Variants in CNTNAP5 observed in about 807,000 individuals in gnomAD.
CNTNAP5 encodes the protein contactin-associated protein-like 5.
A neutral mutation model predicts 150.2 loss-of-function variants in CNTNAP5; 72 were observed. The observed-to-expected ratio is 0.48, with a 90% CI of 0.40 to 0.58. The LOEUF (loss-of-function observed/expected upper bound fraction) is 0.58. Ranked by LOEUF, CNTNAP5 falls within the 20% of genes least tolerant of loss-of-function variation. The pLI, the probability that CNTNAP5 is intolerant of heterozygous loss-of-function variation, is 0.00. For synonymous variants in CNTNAP5, 672 were observed against 619.8 expected (o/e 1.08, Z -1.25); for missense variants, 1,636 against 1,626.2 (o/e 1.01, Z -0.10).
At chr2:124,513,740 T>C (rs1694645348) in intron 8 of CNTNAP5, among the ~76,000 whole-genome samples, 1 of 151,628 alleles carries the variant, frequency 6.6e-6, no homozygotes, top group South Asian at 2.1e-4. Context: ...CAGGGGGGAG[T>C]ACTAATTAGG....
chr2:124,903,083 C>T lies in CNTNAP5; in HGVS notation c.3638C>T (p.Thr1213Met), dbSNP rs759689131. Residue 1213 changes from threonine to methionine, a missense_variant, in exon 22 of 24, where the codon ACG (threonine) becomes ATG (methionine). Thr to Met is a moderately conservative substitution (Grantham distance 81). Coordinates refer to ENST00000682447, the MANE Select transcript of CNTNAP5 (RefSeq NM_001367498.1). ...GACTCAGATGTGAATGCAGTGACCA[C>T]GGTGCATTCTTCATCAGGTACACTC... ...MVDSDVNAVT[T>M]VHSSSDPFGK... 37 of 1,578,382 alleles carry T rather than the reference C, an allele frequency of 2.3e-5. No individual in the cohort carries two copies. The highest frequency in any genetic ancestry group is 2.0e-4 in the South Asian group (17 of 86,636).
intron 13 of CNTNAP5, among the ~76,000 whole-genome samples, chr2:124,668,682 A>G (rs1178337998): frequency 6.6e-6 from 1 of 152,236 alleles, no homozygotes; most frequent in African/African-American, 2.4e-5. Context: ...GTGTTATAAA[A>G]AGGTATACCA....
intron 19 of CNTNAP5, among the ~76,000 whole-genome samples, chr2:124,842,879 G>A (rs1682972275): frequency 6.6e-6 from 1 of 152,000 alleles, no homozygotes; most frequent in East Asian, 1.9e-4. Flanking sequence ...TTCTCAAAAA[G>A]CTGAGAATAT....
intron 13 of CNTNAP5, among the ~76,000 whole-genome samples, chr2:124,683,295 C>T (rs1284891619): frequency 2.0e-5 from 3 of 152,038 alleles, no homozygotes; most frequent in South Asian, 2.1e-4. Context: ...AATTTCATGA[C>T]TTATTTGGCA....
intron 13 of CNTNAP5, among the ~76,000 whole-genome samples, chr2:124,734,113 G>A (rs1350459714): frequency 6.6e-6 from 1 of 152,028 alleles, no homozygotes; most frequent in African/African-American, 2.4e-5. Context: ...AGACTTTTTA[G>A]GCATTTGTGT....
chr2:124,854,291 A>T (rs547653319), intron 19 of CNTNAP5, among the ~76,000 whole-genome samples: 1 of 152,322 alleles, frequency 6.6e-6, no homozygotes, highest in East Asian at 1.9e-4. Flanking sequence ...GTAGCATGAC[A>T]TAGTGGAAAG....
At chr2:124,032,447 A>G (rs548543917) in intron 1 of CNTNAP5, among the ~76,000 whole-genome samples, 54 of 152,316 alleles carry the variant, frequency 3.5e-4, no homozygotes, top group African/African-American at 1.3e-3. Flanking sequence ...TCTGTGAAGG[A>G]TAGACTGGAA....
At chr2:124,832,919 C>CTTTTTTTTTTTTTTTTTTTTTT (rs539240335) in intron 19 of CNTNAP5, among the ~76,000 whole-genome samples, 2 of 143,204 alleles carry the variant, frequency 1.4e-5, no homozygotes, top group African/African-American at 5.2e-5. Flanking sequence ...TTTTCTTTTC[C>CTTTTTTTTTTTTTTTTTTTTTT]TTTTTTTTTT....
At chr2:124,489,882 C>T (rs1318648858) in intron 7 of CNTNAP5, among the ~76,000 whole-genome samples, 9 of 152,128 alleles carry the variant, frequency 5.9e-5, no homozygotes. Context: ...CAGTAAGTCC[C>T]ATCCAATGCT....
chr2:124,161,352 G>A (rs941798612), intron 1 of CNTNAP5, among the ~76,000 whole-genome samples: 2 of 152,082 alleles, frequency 1.3e-5, no homozygotes, highest in East Asian at 3.9e-4. Flanking sequence ...GAGGTGAGGT[G>A]AGGGAGATGA....
intron 5 of CNTNAP5, among the ~76,000 whole-genome samples, chr2:124,439,889 T>TA (rs1692631661): frequency 6.6e-6 from 1 of 152,166 alleles, no homozygotes; most frequent in Non-Finnish European, 1.5e-5. Flanking sequence ...TCCAATCCAT[T>TA]AAATTCCTTT....
chr2:124,048,890 A>G (rs1421436607), intron 1 of CNTNAP5, among the ~76,000 whole-genome samples: 1 of 152,268 alleles, frequency 6.6e-6, no homozygotes, highest in Non-Finnish European at 1.5e-5. Flanking sequence ...GCAAATATTT[A>G]CACACATTTA....
intron 1 of CNTNAP5, among the ~76,000 whole-genome samples, chr2:124,212,660 G>C (rs1686042845): frequency 6.6e-6 from 1 of 152,124 alleles, no homozygotes; most frequent in African/African-American, 2.4e-5. Context: ...AACACTGTCA[G>C]AGTGATGCCT....
rs921203262 is a variant in CNTNAP5, at chr2:124,312,896, G to A, written c.381+70503G>A. Among the ~76,000 whole-genome samples the A allele has an allele frequency of 7.9e-5, 12 of 152,142 alleles. 1 individual carries two copies. The highest frequency in any genetic ancestry group is 2.7e-4 in the African/African-American group (11 of 41,450). ...ATTTTTGTATTCTTAGTAGAGACGG[G>A]GTTTTGCCATATTGGCCAGGCTGGT... On this transcript the variant is annotated intron_variant, in intron 3 of 23. Coordinates refer to ENST00000682447, the MANE Select transcript of CNTNAP5 (RefSeq NM_001367498.1).
intron 3 of CNTNAP5, among the ~76,000 whole-genome samples, chr2:124,279,972 TCTTTA>T (rs1034816815): frequency 3.3e-5 from 5 of 152,136 alleles, no homozygotes; most frequent in Non-Finnish European, 5.9e-5. Flanking sequence ...CTAATATTTT[TCTTTA>T]CTTTATACTT....
chr2:124,755,562 C>A (rs562815724), intron 14 of CNTNAP5, among the ~76,000 whole-genome samples: 1 of 152,126 alleles, frequency 6.6e-6, no homozygotes, highest in African/African-American at 2.4e-5. Flanking sequence ...TGATGCTGTT[C>A]TCATGTTCCT....
chr2:124,169,096 T>TG (rs1422305476), intron 1 of CNTNAP5, among the ~76,000 whole-genome samples: 1 of 152,106 alleles, frequency 6.6e-6, no homozygotes, highest in Non-Finnish European at 1.5e-5. Context: ...TTCTTTTTTT[T>TG]TTGTTCAATT....
chr2:124,483,255 A>G (rs1162298034), intron 7 of CNTNAP5, among the ~76,000 whole-genome samples: 1 of 152,162 alleles, frequency 6.6e-6, no homozygotes, highest in African/African-American at 2.4e-5. Context: ...AGAAACCTGG[A>G]GTTGCTACAT....
intron 10 of CNTNAP5, among the ~76,000 whole-genome samples, chr2:124,555,366 G>A (rs914534824): frequency 6.6e-6 from 1 of 152,150 alleles, no homozygotes; most frequent in African/African-American, 2.4e-5. Context: ...GGTGACTGTG[G>A]TGGAGCACTT....
Sources: allele counts gnomAD v4.1 joint callset (sites outside exome capture counted in the v4.1 genomes callset), GRCh38; gene constraint gnomAD v4.1.1; transcripts MANE v1.5; gene names NCBI Gene and HGNC (gene_info 2026-07-23, HGNC 2026-07-21).